CCDC107: variants seen among roughly 807,000 people sequenced by gnomAD.
The protein encoded by CCDC107 is coiled-coil domain containing 107, also known as coiled-coil domain-containing protein 107.
A neutral mutation model predicts 17.9 loss-of-function variants in CCDC107; 17 were observed. The observed-to-expected ratio is 0.95, with a 90% CI of 0.65 to 1.42. The LOEUF (loss-of-function observed/expected upper bound fraction) is 1.42. Ranked by LOEUF, CCDC107 falls within the 40% of genes most tolerant of loss-of-function variation. CCDC107 has a pLI of 0.00. For missense variants in CCDC107, 388 were observed against 360.1 expected, an observed-to-expected ratio of 1.08 and a Z score of -0.63; for synonymous variants, 170 against 157.2, an observed-to-expected ratio of 1.08 and a Z score of -0.61.
At position 35,661,323 on chromosome 9, in the gene CCDC107, G is replaced by T; in HGVS notation, c.*136G>T. The T allele has an allele frequency of 1.6e-6, 1 of 625,280 alleles. No homozygotes were observed. 38.7% of individuals were successfully genotyped at this position (625,280 alleles called of 1,614,324 possible). A position where few individuals can be genotyped will look rare whatever the true frequency, so the allele number is the denominator to read the frequency against. ...GGCTGCCTTCCAGTGTGACAGCAGA[G>T]AAGATAGAGGGAGCTCCAGCTCTTT... On this transcript the variant is annotated 3_prime_UTR_variant, in exon 5 of 5. Coordinates refer to ENST00000426546, the MANE Select transcript of CCDC107 (RefSeq NM_174923.3).
intron 1 of CCDC107, 21 bp downstream of exon 1, chr9:35,658,506 AGGAGGGC>A (rs1336606965): frequency 6.7e-7 from 1 of 1,488,418 alleles, no homozygotes; most frequent in Non-Finnish European, 8.9e-7. Context: ...GGGCTGCTGG[AGGAGGGC>A]TGGGACTGCG....
rs781000881 is a variant in CCDC107 at position 35,658,647 on chromosome 9, C to G, written c.178C>G (p.Arg60Gly). 6.4e-7 allele frequency: 1 copy of G among 1,570,374 alleles called. No individual in the cohort carries two copies. The highest frequency in any genetic ancestry group is 8.6e-7 in the Non-Finnish European group (1 of 1,161,746). ...RRPPLKDQRE[R>G]TRAGSLPLGA... ...ACCACCGCTCAAGGATCAACGCGAG[C>G]GGACCCGGGCCGGGTCGCTGCCTCT... Residue 60 changes from arginine (R) to glycine (G), a missense_variant, in exon 2 of 5, where the codon CGG (arginine) becomes GGG (glycine). Physicochemically the swap from Arg to Gly is moderately radical, Grantham distance 125. Transcript: ENST00000426546.
Position 35,658,304 on chromosome 9 carries a change from G to T in CCDC107, c.-76G>T. ...AGCCGGCCGGCCTGCTCGCGTGCGC[G>T]TGCGCGTTGGGGCGGCCGGCCAATG... is the stretch of plus-strand genomic sequence containing the variant. On this transcript the variant is annotated 5_prime_UTR_variant, in exon 1 of 5. Coordinates refer to ENST00000426546, the MANE Select transcript of CCDC107 (RefSeq NM_174923.3). The T allele has an allele frequency of 8.1e-7, 1 of 1,229,508 alleles. No individual in the cohort carries two copies. Among genetic ancestry groups the T allele is most frequent in the Non-Finnish European group, 1.0e-6 (1 of 963,982 alleles). 76.2% of individuals were successfully genotyped at this position (1,229,508 alleles called of 1,614,324 possible). A position where few individuals can be genotyped will look rare whatever the true frequency, so the allele number is the denominator to read the frequency against.
chr9:35,659,733 T>G (rs1223570079), intron 2 of CCDC107: 1 of 152,198 alleles, frequency 6.6e-6, no homozygotes, highest in East Asian at 1.9e-4. Context: ...TTCAAATTCC[T>G]GAGGGGCTGT....
rs1362060768 is a variant in CCDC107 at position 35,658,381 on chromosome 9, TG to T, written c.4del (p.Ala2?). Reference sequence around the variant, plus strand: ...GATCCCTCCACCCGTGGGCCGGCAATGGCGGGCGCAGTTTCGCTCTTGGGTG... The same window carrying T: ...GATCCCTCCACCCGTGGGCCGGCAATGCGGGCGCAGTTTCGCTCTTGGGTG... [M>X]AGAVSLLGVV... On this transcript the variant is annotated frameshift_variant and start_lost, in exon 1 of 5. Transcript: ENST00000426546. LOFTEE classifies it high-confidence loss of function. The T allele has an allele frequency of 3.9e-5, 54 of 1,392,202 alleles. No homozygotes were observed. The highest frequency in any genetic ancestry group is 4.9e-5 in the Non-Finnish European group (52 of 1,070,036). The allele number at this position is 1,392,202 out of a possible 1,614,324, so 86.2% of individuals were successfully genotyped here. A position where few individuals can be genotyped will look rare whatever the true frequency, so the allele number is the denominator to read the frequency against.
chr9:35,659,488 A>C (rs2131816451), intron 2 of CCDC107: 1 of 152,336 alleles, frequency 6.6e-6, no homozygotes, highest in South Asian at 2.1e-4. Context: ...GACTGAGTTC[A>C]CTGTGGGATG....
In CCDC107 at chr9:35,660,823, G is replaced by C. The variant is rs767373279; in HGVS notation, c.488G>C (p.Ser163Thr). The C allele has an allele frequency of 1.2e-6, 2 of 1,614,204 alleles. No homozygotes were observed. Among genetic ancestry groups the C allele is most frequent in the Non-Finnish European group, 1.7e-6 (2 of 1,180,044 alleles). ...LWTIHELLQD[S>T]KPDKDMEASE... ...ACCATCCACGAGCTGCTGCAAGATA[G>C]CAAGCCGGACAAGGATATGGAGGCT... Residue 163 changes from serine to threonine, a missense_variant, in exon 5 of 5, where the codon AGC (serine) becomes ACC (threonine). By Grantham distance (58) the Ser-to-Thr change is moderately conservative (BLOSUM62 1). Transcript: ENST00000426546.
Position 35,658,351 on chromosome 9 carries a change from C to A in CCDC107, c.-29C>A. Reference sequence around the variant, plus strand: ...AATGCCGGACCGCTTCGGCACCGCCCGCCCGATCCCTCCACCCGTGGGCCG... The same window carrying A: ...AATGCCGGACCGCTTCGGCACCGCCAGCCCGATCCCTCCACCCGTGGGCCG... On this transcript the variant is annotated 5_prime_UTR_variant, in exon 1 of 5. Coordinates refer to ENST00000426546, the MANE Select transcript of CCDC107 (RefSeq NM_174923.3). 25 of 1,351,308 alleles carry A rather than the reference C, an allele frequency of 1.9e-5. No homozygotes were observed. Among genetic ancestry groups the A allele is most frequent in the Non-Finnish European group, 2.4e-5 (25 of 1,050,162 alleles). 83.7% of individuals were successfully genotyped at this position (1,351,308 alleles called of 1,614,324 possible). A position where few individuals can be genotyped will look rare whatever the true frequency, so the allele number is the denominator to read the frequency against.
Position 35,661,439 on chromosome 9 carries a change from CA to C in CCDC107, c.*260del, listed in dbSNP as rs1020693751. ...AAAACTGAGACAGAAGGGTCTTTCC[CA>C]AAAAAAAGAAAAAAAACTTTACTCA... On this transcript the variant is annotated 3_prime_UTR_variant, in exon 5 of 5. Transcript: ENST00000426546. 1.6e-5 allele frequency: 7 copies of C among 442,070 alleles called. No homozygotes were observed. Among genetic ancestry groups the C allele is most frequent in the South Asian group, 6.4e-5 (1 of 15,578 alleles). 27.4% of individuals were successfully genotyped at this position (442,070 alleles called of 1,614,324 possible).
chr9:35,661,459 TTACTC>T lies in CCDC107; in HGVS notation c.*273_*277del, dbSNP rs1823944073. ...TTTCCCAAAAAAAAGAAAAAAAACTTTACTCAAATCCAGTGGAAAAATAAATGATA... is the reference window on the plus strand; with the variant it reads ...TTTCCCAAAAAAAAGAAAAAAAACTTAAATCCAGTGGAAAAATAAATGATA... On this transcript the variant is annotated 3_prime_UTR_variant, in exon 5 of 5. Transcript: ENST00000426546. 2.6e-5 allele frequency: 12 copies of T among 469,036 alleles called. No homozygotes were observed. The East Asian group carries it at 3.9e-4, about 15-fold the overall frequency. The allele number at this position is 469,036 out of a possible 1,614,324, so 29.1% of individuals were successfully genotyped here.
At position 35,661,042 on chromosome 9, in the gene CCDC107, C is replaced by G; in HGVS notation, c.707C>G (p.Thr236Arg). The G allele has an allele frequency of 6.2e-7, 1 of 1,614,164 alleles. No individual in the cohort carries two copies. The highest frequency in any genetic ancestry group is 8.5e-7 in the Non-Finnish European group (1 of 1,180,038). Residue 236 changes from threonine to arginine, a missense_variant, in exon 5 of 5, where the codon ACA becomes AGA. Coordinates refer to ENST00000426546, the MANE Select transcript of CCDC107 (RefSeq NM_174923.3). ...WEEPTNWSTE[T>R]WNLATSWEVG... ...GAGCCCACAAACTGGAGCACAGAGA[C>G]ATGGAACCTAGCTACTTCCTGGGAG... is the stretch of plus-strand genomic sequence containing the variant.
chr9:35,660,715 G>C, intron 4 of CCDC107, 31 bp from the exon 5 acceptor site: 1 of 1,613,896 alleles, frequency 6.2e-7, no homozygotes, highest in Non-Finnish European at 8.5e-7. Flanking sequence ...GGGGACATAG[G>C]TTGGGAGCCA....
rs1823945638 is a variant in CCDC107 at position 35,661,481 on chromosome 9, TA to T, written c.*297del. The T allele has an allele frequency of 1.3e-5, 6 of 468,594 alleles. No individual in the cohort carries two copies. Among genetic ancestry groups the T allele is most frequent in the Non-Finnish European group, 1.5e-5 (4 of 267,876 alleles). 29.0% of individuals were successfully genotyped at this position (468,594 alleles called of 1,614,324 possible). A position where few individuals can be genotyped will look rare whatever the true frequency, so the allele number is the denominator to read the frequency against. On this transcript the variant is annotated 3_prime_UTR_variant, in exon 5 of 5. Transcript: ENST00000426546. ...ACTTTACTCAAATCCAGTGGAAAAA[TA>T]AATGATAGAAACTATACACAACATA... is the stretch of plus-strand genomic sequence containing the variant.
At chr9:35,658,878 G>A in intron 2 of CCDC107, 151 bp downstream of exon 2, 1 of 480,698 alleles carries the variant, frequency 2.1e-6, no homozygotes, top group Admixed American at 4.2e-5. Context: ...TAGTCCGTTG[G>A]CCTTCCAATA....
intron 2 of CCDC107, 112 bp downstream of exon 2, chr9:35,658,839 C>A (rs1052519941): frequency 4.3e-5 from 25 of 578,836 alleles, no homozygotes; most frequent in Non-Finnish European, 6.6e-5. Context: ...GAACAAGACA[C>A]AGCTTCCCTG....
In CCDC107 at chr9:35,658,442, G is replaced by C. The variant is rs1224027356; in HGVS notation, c.63G>C (p.Gly21=). Residue 21 remains glycine, a synonymous_variant, in exon 1 of 5, where the codon GGG becomes GGC. Coordinates refer to ENST00000426546, the MANE Select transcript of CCDC107 (RefSeq NM_174923.3). The part of the protein sequence containing the change: ...VGLLLVSALS[G]VLGDRANPDL... Reference sequence around the variant, plus strand: ...TGCTGCTTGTGTCTGCGCTGTCCGGGGTCCTAGGAGACCGCGCCAATCCCG... The same window carrying C: ...TGCTGCTTGTGTCTGCGCTGTCCGGCGTCCTAGGAGACCGCGCCAATCCCG... 1.4e-6 allele frequency: 2 copies of C among 1,467,594 alleles called. No individual in the cohort carries two copies. The highest frequency in any genetic ancestry group is 2.9e-5 in the East Asian group (1 of 34,654). 90.9% of individuals were successfully genotyped at this position (1,467,594 alleles called of 1,614,324 possible). A position where few individuals can be genotyped will look rare whatever the true frequency, so the allele number is the denominator to read the frequency against.
intron 2 of CCDC107, 83 bp from the exon 3 acceptor site, chr9:35,660,316 ACT>A (rs951079458): frequency 5.1e-6 from 6 of 1,177,950 alleles, no homozygotes; most frequent in East Asian, 2.4e-5. Flanking sequence ...CTCAAATTGC[ACT>A]CTCTCTTGGC....
rs754608606 is a variant in CCDC107, at chr9:35,658,639, A to G, written c.170A>G (p.Gln57Arg). Reference sequence around the variant, plus strand: ...CGGCGGCGACCACCGCTCAAGGATCAACGCGAGCGGACCCGGGCCGGGTCG... The same window carrying G: ...CGGCGGCGACCACCGCTCAAGGATCGACGCGAGCGGACCCGGGCCGGGTCG... ...EPRRRPPLKD[Q>R]RERTRAGSLP... Residue 57 changes from glutamine (Q) to arginine (R), a missense_variant, in exon 2 of 5, where the codon CAA becomes CGA. Coordinates refer to ENST00000426546, the MANE Select transcript of CCDC107 (RefSeq NM_174923.3). 1.3e-6 allele frequency: 2 copies of G among 1,571,116 alleles called. No homozygotes were observed. Among genetic ancestry groups the G allele is most frequent in the Non-Finnish European group, 1.7e-6 (2 of 1,161,780 alleles).
At chr9:35,660,173 T>C (rs1823836886) in intron 2 of CCDC107, 2 of 451,232 alleles carry the variant, frequency 4.4e-6, no homozygotes, top group Non-Finnish European at 3.9e-6. Flanking sequence ...CCGGAGGGAG[T>C]TGCTCATTCC....
Sources: allele counts gnomAD v4.1 joint callset, GRCh38; gene constraint gnomAD v4.1.1; transcripts MANE v1.5; gene names NCBI Gene and HGNC (gene_info 2026-07-23, HGNC 2026-07-21).